Variants in MAPRE3 observed in about 807,000 individuals in gnomAD.
MAPRE3 encodes the protein microtubule associated protein RP/EB family member 3, also known as microtubule-associated protein RP/EB family member 3.
MAPRE3 carries 2 observed loss-of-function variants against 30.5 expected under a neutral mutation model. The ratio of observed to expected loss-of-function variants is 0.07; its 90% CI spans 0.03 to 0.21. The LOEUF is 0.21. Among genes scored for constraint, MAPRE3 ranks in the 10% least tolerant of loss-of-function variants. The pLI, the probability that MAPRE3 is intolerant of heterozygous loss-of-function variation, is 1.00. For missense variants in MAPRE3, 204 were observed against 351.8 expected (o/e 0.58, Z 3.36); for synonymous variants, 110 against 127.7 (o/e 0.86, Z 0.93).
At chr2:26,992,472 G>A (rs1477683321) in intron 1 of MAPRE3, among the ~76,000 whole-genome samples, 2 of 151,818 alleles carry the variant, frequency 1.3e-5, no homozygotes, top group South Asian at 2.1e-4. Context: ...TGATCCACCC[G>A]CCTCAGCCTC....
At chr2:26,996,449 C>T (rs1666461282) in intron 1 of MAPRE3, among the ~76,000 whole-genome samples, 1 of 152,156 alleles carries the variant, frequency 6.6e-6, no homozygotes. Context: ...AGCCATCACA[C>T]CCAGCCAACA....
intron 1 of MAPRE3, among the ~76,000 whole-genome samples, chr2:26,995,307 C>T (rs1366041225): frequency 6.6e-6 from 1 of 152,160 alleles, no homozygotes; most frequent in African/African-American, 2.4e-5. Context: ...TTGCTGCAGT[C>T]CTATTTTGTC....
At position 27,015,866 on chromosome 2, in the gene MAPRE3, C is replaced by T. The variant is rs914430383; in HGVS notation, c.-7-6346C>T. Among the ~76,000 whole-genome samples, 6 of 152,234 alleles carry T rather than the reference C, an allele frequency of 3.9e-5. No individual in the cohort carries two copies. The South Asian group carries it at 1.0e-3, about 26-fold the overall frequency. ...GATGGTCTCTAGAAACCCTTCTGAC[C>T]ATGGGTTAGTGGGATTTGGTCTTGA... On this transcript the variant is annotated intron_variant, in intron 1 of 6. Transcript: ENST00000233121. The surrounding 1 kb of genome is among the most constrained non-coding windows in gnomAD (Gnocchi z 4.0).
At chr2:26,992,722 C>T (rs1360257473) in intron 1 of MAPRE3, among the ~76,000 whole-genome samples, 1 of 152,168 alleles carries the variant, frequency 6.6e-6, no homozygotes, top group Non-Finnish European at 1.5e-5. Context: ...ACACACCCCA[C>T]TGCAATCATG....
intron 1 of MAPRE3, among the ~76,000 whole-genome samples, chr2:26,983,463 G>A (rs1451564067): frequency 6.6e-6 from 1 of 152,158 alleles, no homozygotes; most frequent in Admixed American, 6.5e-5. Flanking sequence ...CACTGCTCTG[G>A]CCTCGTGGCT....
chr2:27,019,351 T>G (rs1165224706), intron 1 of MAPRE3, among the ~76,000 whole-genome samples: 2 of 9,472 alleles, frequency 2.1e-4, no homozygotes, highest in Non-Finnish European at 2.0e-4. Context: ...GGAGGGAGGA[T>G]GGCGGGGGGA....
chr2:26,971,602 C>T lies in MAPRE3; in HGVS notation c.-8+800C>T, dbSNP rs115803390. ...TGTGGTGTTGTGAATAAGCATCTTGCGGAACTCTTTAAAATGCTTTTTTTT... is the reference window on the plus strand; with the variant it reads ...TGTGGTGTTGTGAATAAGCATCTTGTGGAACTCTTTAAAATGCTTTTTTTT... On this transcript the variant is annotated intron_variant, in intron 1 of 6. Transcript: ENST00000233121. 8.5e-3 allele frequency among the ~76,000 whole-genome samples: 1,269 copies of T among 149,756 alleles called. 17 individuals are homozygous for T. The highest frequency in any genetic ancestry group is 0.03 in the African/African-American group (1,233 of 40,792).
At chr2:27,021,807 A>G (rs1191297164) in intron 1 of MAPRE3, among the ~76,000 whole-genome samples, 1 of 152,146 alleles carries the variant, frequency 6.6e-6, no homozygotes, top group Non-Finnish European at 1.5e-5. Context: ...TTATGTCTGG[A>G]AAATTCCTAT....
intron 1 of MAPRE3, among the ~76,000 whole-genome samples, chr2:26,981,003 G>A (rs899488464): frequency 1.3e-5 from 2 of 152,056 alleles, no homozygotes; most frequent in Non-Finnish European, 2.9e-5. Flanking sequence ...AGATTACTGG[G>A]GTTCCTCCTA....
rs894844269 is a variant in MAPRE3, at chr2:27,015,565, G to A, written c.-7-6647G>A. 1.3e-5 allele frequency among the ~76,000 whole-genome samples: 2 copies of A among 152,080 alleles called. No homozygotes were observed. The highest frequency in any genetic ancestry group is 4.8e-5 in the African/African-American group (2 of 41,382). ...AGGGTGGAGGCCTGGAAACTGCAGG[G>A]GGTTCTTCCAGGGACCAGCCAGAAC... On this transcript the variant is annotated intron_variant, in intron 1 of 6. Coordinates refer to ENST00000233121, the MANE Select transcript of MAPRE3 (RefSeq NM_012326.4). This position sits in a 1 kb window ranked among gnomAD's most constrained non-coding sequence, Gnocchi z 4.0.
chr2:27,006,158 G>A (rs977177672), intron 1 of MAPRE3, among the ~76,000 whole-genome samples: 1 of 152,026 alleles, frequency 6.6e-6, no homozygotes, highest in Admixed American at 6.6e-5. Flanking sequence ...CTCTAGCCTG[G>A]GTGACAGAGC....
At chr2:26,998,258 C>G (rs1479590428) in intron 1 of MAPRE3, among the ~76,000 whole-genome samples, 2 of 152,244 alleles carry the variant, frequency 1.3e-5, no homozygotes, top group East Asian at 3.9e-4. Flanking sequence ...CTAAGCTAAC[C>G]CCTTAGTTTC....
chr2:26,996,968 G>T (rs1049985572), intron 1 of MAPRE3: 2 of 152,162 alleles, frequency 1.3e-5, no homozygotes, highest in African/African-American at 2.4e-5. Flanking sequence ...TTAAAGTCAA[G>T]TTGTGAAGTA....
intron 1 of MAPRE3, among the ~76,000 whole-genome samples, chr2:26,979,955 G>A (rs1666081246): frequency 6.6e-6 from 1 of 152,184 alleles, no homozygotes; most frequent in Non-Finnish European, 1.5e-5. Context: ...TCAGGTTGTG[G>A]ATGGAGCTGT....
chr2:26,989,753 A>T (rs889695201), intron 1 of MAPRE3, among the ~76,000 whole-genome samples: 3 of 152,168 alleles, frequency 2.0e-5, no homozygotes, highest in African/African-American at 7.2e-5. Flanking sequence ...TGCTTGTCTT[A>T]TGAAGGATGG....
chr2:26,995,825 G>GTGTGTGTGTGTGTGTGTATGTA (rs1473997599), intron 1 of MAPRE3, among the ~76,000 whole-genome samples: 1 of 149,228 alleles, frequency 6.7e-6, no homozygotes, highest in Non-Finnish European at 1.5e-5. Flanking sequence ...GTGTGTGTGT[G>GTGTGTGTGTGTGTGTGTATGTA]TGTGTATGTG....
chr2:26,977,385 C>T (rs1386855388), intron 1 of MAPRE3, among the ~76,000 whole-genome samples: 1 of 152,170 alleles, frequency 6.6e-6, no homozygotes, highest in Non-Finnish European at 1.5e-5. Context: ...ACCTTGTATA[C>T]CACAGGGCTC....
At chr2:27,021,327 A>G (rs1429933332) in intron 1 of MAPRE3, among the ~76,000 whole-genome samples, 1 of 152,172 alleles carries the variant, frequency 6.6e-6, no homozygotes, top group African/African-American at 2.4e-5. Context: ...GAATGACTTG[A>G]TAGGTGCATG....
chr2:27,017,113 C>T (rs1667007039), intron 1 of MAPRE3, among the ~76,000 whole-genome samples: 1 of 152,208 alleles, frequency 6.6e-6, no homozygotes, highest in Non-Finnish European at 1.5e-5. Flanking sequence ...GGCATCCTGC[C>T]CTCCCCAATG....
Sources: allele counts gnomAD v4.1 joint callset (sites outside exome capture counted in the v4.1 genomes callset), GRCh38; gene constraint gnomAD v4.1.1; non-coding constraint Gnocchi (gnomAD v3.1); transcripts MANE v1.5; gene names NCBI Gene and HGNC (gene_info 2026-07-23, HGNC 2026-07-21).